The following BRDT variants were observed in gnomAD, a reference collection of about 807,000 sequenced individuals.
BRDT encodes the protein bromodomain testis-specific protein.
A neutral mutation model predicts 113.9 loss-of-function variants in BRDT; 77 were observed. That is an observed-to-expected ratio of 0.68 (90% CI 0.56 to 0.82). BRDT has a LOEUF of 0.82. Ranked by LOEUF, BRDT falls within the 40% of genes least tolerant of loss-of-function variation. The pLI, the probability that BRDT is intolerant of heterozygous loss-of-function variation, is 0.00. For missense variants in BRDT, 1,027 were observed against 1,105.4 expected, an observed-to-expected ratio of 0.93 and a Z score of 1.01; for synonymous variants, 358 against 366.5, an observed-to-expected ratio of 0.98 and a Z score of 0.26.
intron 1 of BRDT, among the ~76,000 whole-genome samples, chr1:91,951,866 C>A (rs571881718): frequency 2.7e-4 from 41 of 151,562 alleles, no homozygotes; most frequent in Non-Finnish European, 5.6e-4. Flanking sequence ...GCCAACATGG[C>A]GAAACCCCAT....
intron 18 of BRDT, among the ~76,000 whole-genome samples, chr1:92,010,267 ATTTTTT>A (rs373305680): frequency 9.9e-6 from 1 of 101,054 alleles, no homozygotes; most frequent in Middle Eastern, 8.3e-3. Context: ...TGCTCTTTTA[ATTTTTT>A]TTTTTTTTTT....
chr1:91,978,039 C>A, intron 6 of BRDT, 129 bp from the exon 7 acceptor site: 1 of 910,930 alleles, frequency 1.1e-6, no homozygotes, highest in African/African-American at 1.7e-5. Context: ...TAACATTTGT[C>A]AAATCTGGAT....
At chr1:92,007,009 G>A (rs1053337264) in intron 18 of BRDT, among the ~76,000 whole-genome samples, 8 of 151,904 alleles carry the variant, frequency 5.3e-5, no homozygotes, top group African/African-American at 1.7e-4. Flanking sequence ...GGCTGGTCTC[G>A]GACTCCTGAG....
intron 2 of BRDT, 22 bp downstream of exon 2, chr1:91,962,968 T>G (rs780711100): frequency 6.7e-7 from 1 of 1,487,092 alleles, no homozygotes; most frequent in Non-Finnish European, 9.0e-7. Flanking sequence ...TTCAACTATG[T>G]TAGTTTCAAA....
chr1:91,981,699 A>G lies in BRDT; in HGVS notation c.1946A>G (p.Glu649Gly), dbSNP rs919846556. The change falls in exon 12 of 19, where the codon GAG becomes GGG. Residue 649 changes from glutamate to glycine, a missense_variant. Transcript: ENST00000399546. ...AGCAGCAGCAGCAGCAGCTCATCAG[A>G]GTCTGAAAGTAGCAGCAGTGACTTA... ...ESSSSSSSSS[E>G]SESSSSDLSS... 1 of 1,614,214 alleles carries G rather than the reference A, an allele frequency of 6.2e-7. No individual in the cohort carries two copies. Among genetic ancestry groups the G allele is most frequent in the South Asian group, 1.1e-5 (1 of 91,086 alleles).
At chr1:91,968,753 GT>G (rs1570479373) in intron 4 of BRDT, among the ~76,000 whole-genome samples, 1 of 152,072 alleles carries the variant, frequency 6.6e-6, no homozygotes, top group East Asian at 1.9e-4. Flanking sequence ...TAAATATGGT[GT>G]TTCAAAAATC....
intron 15 of BRDT, among the ~76,000 whole-genome samples, chr1:91,999,257 CACAGGATACTG>C (rs1184425146): frequency 6.6e-6 from 1 of 152,062 alleles, no homozygotes. Context: ...TTCGGTGGCT[CACAGGATACTG>C]GCTGGATACT....
intron 15 of BRDT, among the ~76,000 whole-genome samples, chr1:91,998,871 A>T (rs149324583): frequency 2.0e-5 from 3 of 152,328 alleles, no homozygotes; most frequent in Non-Finnish European, 4.4e-5. Context: ...ATTCCATGTG[A>T]TTAAAGATTT....
chr1:92,004,547 G>A lies in BRDT; in HGVS notation c.2522G>A (p.Arg841Gln), dbSNP rs1487473834. ...KAAIEKEVKA[R>Q]TQELIRKHLE... The stretch of plus-strand genomic sequence containing the variant: ...GCCATAGAAAAGGAAGTAAAAGCTC[G>A]GACACAGGAACTCATACGGAAGCAT... Residue 841 changes from arginine to glutamine, a missense_variant, in exon 17 of 19, where the codon CGG (arginine) becomes CAG (glutamine). By Grantham distance (43) the Arg-to-Gln change is conservative (BLOSUM62 1). Transcript: ENST00000399546. The A allele has an allele frequency of 9.9e-6, 16 of 1,612,908 alleles. No individual in the cohort carries two copies. The highest frequency in any genetic ancestry group is 4.4e-5 in the South Asian group (4 of 90,926).
intron 4 of BRDT, among the ~76,000 whole-genome samples, chr1:91,968,509 T>C (rs1284797491): frequency 1.3e-5 from 2 of 152,234 alleles, no homozygotes; most frequent in African/African-American, 4.8e-5. Flanking sequence ...GCCGTTCACA[T>C]AGTAGGGATT....
chr1:91,957,838 GTTTTTTGTTT>G (rs1427605010), intron 1 of BRDT, among the ~76,000 whole-genome samples: 3 of 151,738 alleles, frequency 2.0e-5, no homozygotes, highest in Non-Finnish European at 4.4e-5. Context: ...TTTTTTTGTT[GTTTTTTGTTT>G]TTGTTTTTGT....
chr1:91,979,533 T>C, intron 7 of BRDT, 36 bp from the exon 8 acceptor site: 1 of 1,571,956 alleles, frequency 6.4e-7, no homozygotes, highest in Non-Finnish European at 8.6e-7. Flanking sequence ...AAATAAAAAA[T>C]ACAGAAAACC....
intron 4 of BRDT, among the ~76,000 whole-genome samples, chr1:91,971,534 A>C (rs760045025): frequency 2.7e-4 from 41 of 152,324 alleles, no homozygotes; most frequent in Non-Finnish European, 5.6e-4. Flanking sequence ...ACATGTTGAT[A>C]ATTTATGGCA....
intron 18 of BRDT, among the ~76,000 whole-genome samples, chr1:92,009,347 A>G (rs1458703106): frequency 6.6e-6 from 1 of 152,140 alleles, no homozygotes; most frequent in Non-Finnish European, 1.5e-5. Context: ...CATTTCTTCT[A>G]TTCAGCCATT....
At chr1:91,988,835 T>A (rs1032733207) in intron 12 of BRDT, among the ~76,000 whole-genome samples, 1 of 152,248 alleles carries the variant, frequency 6.6e-6, no homozygotes, top group Non-Finnish European at 1.5e-5. Flanking sequence ...TGAATAAGCA[T>A]ATATATGTAG....
chr1:91,962,461 G>A (rs1194682215), intron 1 of BRDT, among the ~76,000 whole-genome samples: 1 of 151,938 alleles, frequency 6.6e-6, no homozygotes, highest in South Asian at 2.1e-4. Flanking sequence ...ACCCTCCTAA[G>A]TAGCTTAGAT....
intron 14 of BRDT, 114 bp from the exon 15 acceptor site, chr1:91,993,966 TAAG>T (rs1428099647): frequency 1.2e-6 from 1 of 828,148 alleles, no homozygotes; most frequent in Non-Finnish European, 1.8e-6. Flanking sequence ...ACTTAAATAA[TAAG>T]GTATTTTAAA....
chr1:91,955,975 T>C (rs1225893688), intron 1 of BRDT, among the ~76,000 whole-genome samples: 1 of 152,160 alleles, frequency 6.6e-6, no homozygotes, highest in Non-Finnish European at 1.5e-5. Flanking sequence ...TACAGAAAGG[T>C]AAAATAGTAC....
intron 4 of BRDT, among the ~76,000 whole-genome samples, chr1:91,974,612 C>T (rs1683945173): frequency 6.6e-6 from 1 of 152,138 alleles, no homozygotes; most frequent in African/African-American, 2.4e-5. Flanking sequence ...GAATGGCGAT[C>T]ATTAAAAAGT....
Sources: gnomAD v4.1 joint callset for allele counts (sites outside exome capture counted in the v4.1 genomes callset) on GRCh38, gnomAD v4.1.1 for gene constraint, MANE v1.5 for transcripts, NCBI Gene and HGNC (gene_info 2026-07-23, HGNC 2026-07-21) for gene names.